The following PRKG1 variants were observed in gnomAD, a reference collection of about 807,000 sequenced individuals.
PRKG1 encodes protein kinase cGMP-dependent 1, also known as cGMP-dependent protein kinase 1.
PRKG1 carries 35 observed loss-of-function variants against 88.1 expected under a neutral mutation model. The observed-to-expected ratio is 0.40, with a 90% CI of 0.30 to 0.53. PRKG1 has a LOEUF of 0.53. Among genes scored for constraint, PRKG1 ranks in the 20% least tolerant of loss-of-function variants. The pLI, the probability that PRKG1 is intolerant of heterozygous loss-of-function variation, is 0.59. For missense variants in PRKG1, 540 were observed against 839.8 expected, an observed-to-expected ratio of 0.64 and a Z score of 4.41; for synonymous variants, 303 against 292.5, an observed-to-expected ratio of 1.04 and a Z score of -0.37.
At chr10:51,058,433 G>C (rs1843656967) in intron 1 of PRKG1, among the ~76,000 whole-genome samples, 1 of 151,984 alleles carries the variant, frequency 6.6e-6, no homozygotes, top group Non-Finnish European at 1.5e-5. Context: ...AAGGTATAGA[G>C]ATTTCCCATA....
At chr10:51,516,565 A>G (rs2132070132) in intron 3 of PRKG1, among the ~76,000 whole-genome samples, 1 of 152,242 alleles carries the variant, frequency 6.6e-6, no homozygotes, top group East Asian at 1.9e-4. Context: ...TTCTGCCTAG[A>G]ATTTCTCTGC....
At chr10:51,063,908 G>A (rs996057342) in intron 1 of PRKG1, among the ~76,000 whole-genome samples, 1 of 152,024 alleles carries the variant, frequency 6.6e-6, no homozygotes, top group African/African-American at 2.4e-5. Context: ...AGTATTTAAT[G>A]GCTGAGAGAT....
chr10:51,260,372 GA>G (rs1160415670), intron 2 of PRKG1, among the ~76,000 whole-genome samples: 27 of 151,492 alleles, frequency 1.8e-4, no homozygotes, highest in African/African-American at 6.1e-4. Context: ...TTTTTCTGAC[GA>G]TTTTTTAGCA....
chr10:52,058,604 G>T (rs1479474916), intron 6 of PRKG1, among the ~76,000 whole-genome samples: 1 of 151,932 alleles, frequency 6.6e-6, no homozygotes. Context: ...GGAACCATTG[G>T]TAATCCATGG....
At chr10:51,389,067 G>A (rs577712290) in intron 2 of PRKG1, among the ~76,000 whole-genome samples, 21 of 152,284 alleles carry the variant, frequency 1.4e-4, no homozygotes, top group African/African-American at 4.1e-4. Context: ...CTGACCAGGC[G>A]TATAACTTGT....
intron 3 of PRKG1, among the ~76,000 whole-genome samples, chr10:51,593,652 T>A (rs1321125632): frequency 6.6e-6 from 1 of 152,124 alleles, no homozygotes; most frequent in Non-Finnish European, 1.5e-5. Context: ...CCAATTTATT[T>A]AAATTTAGGT....
At chr10:51,759,500 C>T (rs1284180529) in intron 3 of PRKG1, among the ~76,000 whole-genome samples, 5 of 152,140 alleles carry the variant, frequency 3.3e-5, no homozygotes, top group African/African-American at 1.2e-4. Context: ...CTCCTGACCT[C>T]AGGTGATCCA....
At chr10:52,108,733 C>T (rs1353483172) in intron 7 of PRKG1, among the ~76,000 whole-genome samples, 1 of 151,378 alleles carries the variant, frequency 6.6e-6, no homozygotes, top group Non-Finnish European at 1.5e-5. Context: ...AATCTATTAA[C>T]AAAATTTTCC....
chr10:52,189,965 T>A (rs1839322676), intron 9 of PRKG1, among the ~76,000 whole-genome samples: 1 of 152,232 alleles, frequency 6.6e-6, no homozygotes, highest in South Asian at 2.1e-4. Context: ...TTGATAATCC[T>A]ATAATCATCA....
chr10:51,738,063 C>T (rs560146485), intron 3 of PRKG1, among the ~76,000 whole-genome samples: 141 of 152,016 alleles, frequency 9.3e-4, no homozygotes, highest in African/African-American at 3.0e-3. Context: ...TCACTGCACC[C>T]GGCTGAATTC....
chr10:51,096,042 T>G (rs1048781038), intron 1 of PRKG1, among the ~76,000 whole-genome samples: 43 of 152,180 alleles, frequency 2.8e-4, no homozygotes, highest in African/African-American at 1.0e-3. Context: ...CCATCAAAGT[T>G]GTGTGTGTGT....
At chr10:51,807,412 G>A (rs895571087) in intron 4 of PRKG1, among the ~76,000 whole-genome samples, 6 of 152,140 alleles carry the variant, frequency 3.9e-5, no homozygotes. Flanking sequence ...AAGGGTCATG[G>A]ATGACACACT....
intron 5 of PRKG1, among the ~76,000 whole-genome samples, chr10:52,019,915 T>TTTCAGAGGATCTGGAG (rs1845139225): frequency 6.6e-6 from 1 of 152,168 alleles, no homozygotes; most frequent in South Asian, 2.1e-4. Context: ...GTTACTTGTA[T>TTTCAGAGGATCTGGAG]TTCAGAGGAT....
intron 10 of PRKG1, among the ~76,000 whole-genome samples, chr10:52,259,508 C>T (rs1841384382): frequency 6.6e-6 from 1 of 152,050 alleles, no homozygotes; most frequent in Admixed American, 6.6e-5. Flanking sequence ...CAATATATCT[C>T]ATCAATTGCA....
intron 2 of PRKG1, among the ~76,000 whole-genome samples, chr10:51,236,413 C>T (rs1376899724): frequency 6.6e-6 from 1 of 151,998 alleles, no homozygotes; most frequent in African/African-American, 2.4e-5. Flanking sequence ...ATTTTTCCCA[C>T]CTCCCTGTGA....
intron 3 of PRKG1, among the ~76,000 whole-genome samples, chr10:51,535,181 G>T (rs193023068): frequency 8.4e-4 from 128 of 152,200 alleles, no homozygotes; most frequent in Non-Finnish European, 1.7e-3. Context: ...GATACAATTG[G>T]TCTTTTATGG....
At chr10:51,150,898 G>A (rs751414085) in intron 1 of PRKG1, among the ~76,000 whole-genome samples, 5 of 151,996 alleles carry the variant, frequency 3.3e-5, no homozygotes, top group Non-Finnish European at 7.4e-5. Context: ...ATTTATGAGA[G>A]GGGAGAAAGC....
At chr10:51,109,487 G>A (rs547816287) in intron 1 of PRKG1, among the ~76,000 whole-genome samples, 1 of 151,986 alleles carries the variant, frequency 6.6e-6, no homozygotes, top group African/African-American at 2.4e-5. Flanking sequence ...AGTGAAAAAG[G>A]GATATTCTTC....
chr10:51,303,969 A>C (rs778779047), intron 2 of PRKG1, among the ~76,000 whole-genome samples: 2 of 151,624 alleles, frequency 1.3e-5, no homozygotes, highest in African/African-American at 2.4e-5. Flanking sequence ...ACAGGCACCC[A>C]CCACCATGCC....
Sources: gnomAD v4.1 joint callset for allele counts (sites outside exome capture counted in the v4.1 genomes callset) on GRCh38, gnomAD v4.1.1 for gene constraint, MANE v1.5 for transcripts, NCBI Gene and HGNC (gene_info 2026-07-23, HGNC 2026-07-21) for gene names.